Variants in LVRN observed in about 807,000 individuals in gnomAD.
LVRN encodes the protein aminopeptidase Q.
In LVRN, 99 loss-of-function variants were observed where a neutral mutation model predicts 111.4. That is an observed-to-expected ratio of 0.89 (90% CI 0.76 to 1.05). The LOEUF (loss-of-function observed/expected upper bound fraction) is 1.05. Among genes scored for constraint, LVRN ranks in the 50% least tolerant of loss-of-function variants. The probability of loss-of-function intolerance (pLI) is 0.00; values close to 1 mark genes in which losing one functional copy is unlikely to be tolerated. For missense variants in LVRN, 1,414 were observed against 1,206.8 expected (o/e 1.17, Z -2.54); for synonymous variants, 488 against 449.5 (o/e 1.09, Z -1.08).
chr5:116,019,463 G>C (rs559104803), intron 18 of LVRN, among the ~76,000 whole-genome samples: 8 of 152,258 alleles, frequency 5.3e-5, no homozygotes, highest in African/African-American at 1.9e-4. Flanking sequence ...TCTTGGTGTT[G>C]CACATTCTAC....
At chr5:116,018,122 G>T (rs111412501) in intron 18 of LVRN, among the ~76,000 whole-genome samples, 8 of 152,004 alleles carry the variant, frequency 5.3e-5, no homozygotes, top group Non-Finnish European at 1.2e-4. Flanking sequence ...TTAAAATAAC[G>T]TGTTTATATA....
At chr5:115,982,651 G>A (rs79849322) in intron 1 of LVRN, among the ~76,000 whole-genome samples, 1 of 152,082 alleles carries the variant, frequency 6.6e-6, no homozygotes, top group Admixed American at 6.6e-5. Context: ...GCTTTTCCCT[G>A]TAAGTCACCA....
At chr5:115,973,982 T>C (rs542872100) in intron 1 of LVRN, among the ~76,000 whole-genome samples, 1 of 152,334 alleles carries the variant, frequency 6.6e-6, no homozygotes, top group South Asian at 2.1e-4. Context: ...ATTTACAGAA[T>C]ATAATAAGCC....
intron 13 of LVRN, among the ~76,000 whole-genome samples, chr5:116,007,434 A>C (rs1210277898): frequency 6.6e-6 from 1 of 151,992 alleles, no homozygotes; most frequent in African/African-American, 2.4e-5. Context: ...CTCTTTTTCT[A>C]CCTATTTTAA....
chr5:115,987,079 T>G (rs1408495084), intron 3 of LVRN, among the ~76,000 whole-genome samples: 2 of 152,148 alleles, frequency 1.3e-5, no homozygotes, highest in Non-Finnish European at 2.9e-5. Flanking sequence ...ATAGTAATAA[T>G]TAATGTTAAA....
chr5:115,985,965 G>C (rs1160791022), intron 3 of LVRN, among the ~76,000 whole-genome samples: 1 of 152,236 alleles, frequency 6.6e-6, no homozygotes, highest in African/African-American at 2.4e-5. Context: ...GACATGTGGA[G>C]AAAAGGAAGC....
At chr5:115,990,715 G>A (rs903113587) in intron 4 of LVRN, among the ~76,000 whole-genome samples, 3 of 152,120 alleles carry the variant, frequency 2.0e-5, no homozygotes, top group African/African-American at 7.2e-5. Context: ...GGGATTACAG[G>A]TGCGCACCAC....
chr5:115,966,443 A>G (rs1294955190), intron 1 of LVRN, among the ~76,000 whole-genome samples: 1 of 152,164 alleles, frequency 6.6e-6, no homozygotes, highest in Non-Finnish European at 1.5e-5. Flanking sequence ...TTAGTCATTC[A>G]TCGATTGAGG....
chr5:116,001,076 G>A lies in LVRN; in HGVS notation c.1657G>A (p.Asp553Asn), dbSNP rs150110719. 3.1e-5 allele frequency: 50 copies of A among 1,602,168 alleles called. No homozygotes were observed. Among genetic ancestry groups the A allele is most frequent in the Non-Finnish European group, 4.1e-5 (48 of 1,176,862 alleles). Reference sequence around the variant, plus strand: ...TGATTTTTTAAAACAGGCCATAGATGACCAGAGTACAGTTATTTTGCCAGC... The same window carrying A: ...TGATTTTTTAAAACAGGCCATAGATAACCAGAGTACAGTTATTTTGCCAGC... ...LWRHFQMAIDDQSTVILPATI... is the reference protein window; with the variant it reads ...LWRHFQMAIDNQSTVILPATI... The change falls in exon 10 of 20, where the codon GAC becomes AAC. Residue 553 changes from aspartate (D) to asparagine (N), a missense_variant. Physicochemically the swap from Asp to Asn is conservative, Grantham distance 23. Coordinates refer to ENST00000357872, the MANE Select transcript of LVRN (RefSeq NM_173800.5).
chr5:116,022,764 C>G (rs1390363266), intron 19 of LVRN, among the ~76,000 whole-genome samples: 1 of 152,194 alleles, frequency 6.6e-6, no homozygotes, highest in Non-Finnish European at 1.5e-5. Context: ...CACTGCCAGT[C>G]ATTGCCCTGT....
chr5:116,014,576 A>G, intron 16 of LVRN, 49 bp downstream of exon 16: 1 of 1,475,982 alleles, frequency 6.8e-7, no homozygotes, highest in South Asian at 1.1e-5. Flanking sequence ...TTTTAGCACC[A>G]GCAATTTCCC....
intron 18 of LVRN, among the ~76,000 whole-genome samples, chr5:116,018,121 C>A (rs144686407): frequency 1.5e-3 from 235 of 152,058 alleles, no homozygotes; most frequent in African/African-American, 5.4e-3. Flanking sequence ...ATTAAAATAA[C>A]GTGTTTATAT....
chr5:116,001,478 T>C (rs891194096), intron 10 of LVRN, among the ~76,000 whole-genome samples: 1 of 152,192 alleles, frequency 6.6e-6, no homozygotes, highest in African/African-American at 2.4e-5. Context: ...CGACCCAAGC[T>C]GTGGGCTATT....
At position 116,015,638 on chromosome 5, in the gene LVRN, T is replaced by A. The variant is rs1281750306; in HGVS notation, c.2629T>A (p.Tyr877Asn). 1.2e-6 allele frequency: 2 copies of A among 1,610,768 alleles called. No homozygotes were observed. Among genetic ancestry groups the A allele is most frequent in the East Asian group, 4.5e-5 (2 of 44,848 alleles). Residue 877 changes from tyrosine (Y) to asparagine (N), a missense_variant, in exon 18 of 20, where the codon TAT becomes AAT. By Grantham distance (143) the Tyr-to-Asn change is moderately radical. Transcript: ENST00000357872. The stretch of plus-strand genomic sequence containing the variant: ...AATGCACTTTTGCAGATATATGGAG[T>A]ATGCCATCAGCACATCTCCATTCAC... Reference protein sequence around the residue: ...DPWILNRYMEYAISTSPFTSN... With the variant: ...DPWILNRYMENAISTSPFTSN...
At chr5:116,001,020 G>T (rs767897971) in intron 9 of LVRN, 47 bp from the exon 10 acceptor site, 8 of 1,543,888 alleles carry the variant, frequency 5.2e-6, no homozygotes. Flanking sequence ...ACTTCAAAAT[G>T]TTTCACGGAT....
chr5:116,000,792 G>A, intron 9 of LVRN, 134 bp downstream of exon 9: 4 of 968,872 alleles, frequency 4.1e-6, no homozygotes, highest in Non-Finnish European at 6.2e-6. Flanking sequence ...CTTAGGTCAT[G>A]GGTAGTGTCT....
At chr5:115,984,765 T>C in intron 3 of LVRN, 56 bp downstream of exon 3, 1 of 1,596,902 alleles carries the variant, frequency 6.3e-7, no homozygotes, top group Admixed American at 1.7e-5. Flanking sequence ...AGATTATTCA[T>C]CTATTCTTTC....
At chr5:115,989,339 C>G (rs907798610) in intron 4 of LVRN, among the ~76,000 whole-genome samples, 2 of 152,120 alleles carry the variant, frequency 1.3e-5, no homozygotes, top group African/African-American at 4.8e-5. Flanking sequence ...ATTCACCTTC[C>G]TCTTGTCTCC....
At chr5:115,985,308 G>A (rs1260098294) in intron 3 of LVRN, among the ~76,000 whole-genome samples, 1 of 152,132 alleles carries the variant, frequency 6.6e-6, no homozygotes, top group East Asian at 1.9e-4. Context: ...TGTTGGTTTG[G>A]AATGTTTTAT....
Sources: allele counts gnomAD v4.1 joint callset (sites outside exome capture counted in the v4.1 genomes callset), GRCh38; gene constraint gnomAD v4.1.1; transcripts MANE v1.5; gene names NCBI Gene and HGNC (gene_info 2026-07-23, HGNC 2026-07-21).